Variants in DIAPH2 observed in about 807,000 individuals in gnomAD.
DIAPH2 encodes protein diaphanous homolog 2.
Under a neutral mutation model 92.7 loss-of-function variants are expected in DIAPH2, and 35 were observed. That is an observed-to-expected ratio of 0.38 (90% CI 0.29 to 0.50). The LOEUF is 0.50. Ranked by LOEUF, DIAPH2 falls within the 20% of genes least tolerant of loss-of-function variation. The pLI, the probability that DIAPH2 is intolerant of heterozygous loss-of-function variation, is 0.94. For synonymous variants in DIAPH2, 301 were observed against 280.4 expected, an observed-to-expected ratio of 1.07 and a Z score of -0.73; for missense variants, 701 against 819.5, an observed-to-expected ratio of 0.86 and a Z score of 1.77.
At chrX:96,897,005 A>T (rs1042411410) in intron 5 of DIAPH2, among the ~76,000 whole-genome samples, 1 of 110,673 alleles carries the variant, frequency 9.0e-6, no homozygotes, top group Non-Finnish European at 1.9e-5. Flanking sequence ...TTAGTGGGGG[A>T]TTATTAAGGA....
At chrX:96,974,772 T>C (rs2065950013) in intron 17 of DIAPH2, among the ~76,000 whole-genome samples, 1 of 111,317 alleles carries the variant, frequency 9.0e-6, no homozygotes, top group Non-Finnish European at 1.9e-5. Context: ...TCACTCTCCT[T>C]TAAAAACTAT....
chrX:97,275,031 T>C (rs1306835007), intron 23 of DIAPH2, among the ~76,000 whole-genome samples: 1 of 112,018 alleles, frequency 8.9e-6, no homozygotes, highest in Non-Finnish European at 1.9e-5. Flanking sequence ...GAGTCTCCCA[T>C]GTCCACTTCT....
At chrX:96,797,106 C>CT (rs971345192) in intron 4 of DIAPH2, among the ~76,000 whole-genome samples, 5 of 109,193 alleles carry the variant, frequency 4.6e-5, no homozygotes, top group African/African-American at 1.0e-4. Context: ...ACAGATTTCT[C>CT]TTTTTTTTTG....
intron 5 of DIAPH2, among the ~76,000 whole-genome samples, chrX:96,893,105 A>G (rs996088265): frequency 8.9e-6 from 1 of 112,162 alleles, no homozygotes; most frequent in Non-Finnish European, 1.9e-5. Flanking sequence ...GGCACATACT[A>G]GAGTTTTAAT....
chrX:97,233,667 C>G (rs1184480846), intron 22 of DIAPH2, among the ~76,000 whole-genome samples: 1 of 111,732 alleles, frequency 8.9e-6, no homozygotes, highest in African/African-American at 3.3e-5. Context: ...GATAATTTGG[C>G]CATTGAGATT....
chrX:97,389,191 G>A (rs921832049), intron 25 of DIAPH2, among the ~76,000 whole-genome samples: 1 of 110,517 alleles, frequency 9.0e-6, no homozygotes, highest in South Asian at 3.9e-4. Flanking sequence ...CCTATCGGCC[G>A]AGTGCAGAGG....
At chrX:97,416,133 C>A (rs1338686788) in intron 25 of DIAPH2, among the ~76,000 whole-genome samples, 2 of 112,213 alleles carry the variant, frequency 1.8e-5, no homozygotes, top group African/African-American at 3.2e-5. Flanking sequence ...TATTGAACTG[C>A]CCTTAAGAAA....
At chrX:96,909,725 C>T (rs1464961723) in intron 5 of DIAPH2, among the ~76,000 whole-genome samples, 3 of 110,928 alleles carry the variant, frequency 2.7e-5, no homozygotes, top group Non-Finnish European at 5.7e-5. Flanking sequence ...ATAGGTCCTG[C>T]CTCCTCACAC....
At chrX:97,153,418 A>G (rs2067299818) in intron 22 of DIAPH2, among the ~76,000 whole-genome samples, 1 of 110,407 alleles carries the variant, frequency 9.1e-6, no homozygotes, top group African/African-American at 3.3e-5. Flanking sequence ...CCTCGTCTCT[A>G]CTAAAAATAC....
intron 4 of DIAPH2, among the ~76,000 whole-genome samples, chrX:96,874,791 A>C (rs897326511): frequency 1.8e-5 from 2 of 112,004 alleles, no homozygotes; most frequent in Non-Finnish European, 3.8e-5. Context: ...TAATTATTTG[A>C]AATTATTATG....
At chrX:97,305,835 AAAAAAAG>A (rs1449534903) in intron 23 of DIAPH2, among the ~76,000 whole-genome samples, 33 of 108,064 alleles carry the variant, frequency 3.1e-4, no homozygotes, top group African/African-American at 1.1e-3. Context: ...AAAAAAAAAA[AAAAAAAG>A]AAAGAAAGAA....
chrX:96,820,854 A>G (rs2064773236), intron 4 of DIAPH2, among the ~76,000 whole-genome samples: 1 of 112,115 alleles, frequency 8.9e-6, no homozygotes, highest in Non-Finnish European at 1.9e-5. Flanking sequence ...TGATAGTGAT[A>G]GACTAACCCC....
intron 22 of DIAPH2, among the ~76,000 whole-genome samples, chrX:97,233,664 T>C (rs1376280761): frequency 1.8e-5 from 2 of 112,212 alleles, no homozygotes; most frequent in Non-Finnish European, 3.8e-5. Flanking sequence ...AGTGATAATT[T>C]GGCCATTGAG....
At chrX:97,166,639 C>A (rs2067414332) in intron 22 of DIAPH2, among the ~76,000 whole-genome samples, 1 of 109,580 alleles carries the variant, frequency 9.1e-6, no homozygotes, top group South Asian at 4.1e-4. Context: ...TTAAAAAACT[C>A]ATTACAAAGT....
rs569381538 is a variant in DIAPH2, at chrX:96,980,482, G to T, written c.2050+15275G>T. On this transcript the variant is annotated intron_variant, in intron 17 of 26. Coordinates refer to ENST00000324765, the MANE Select transcript of DIAPH2 (RefSeq NM_006729.5). ...AGGGTTTTTATGGGTACAGGATGGG[G>T]GGCAGGGTGGGTCAGAGTTGGTTTT... Among the ~76,000 whole-genome samples, 7 of 110,652 alleles carry T rather than the reference G, an allele frequency of 6.3e-5. 1 individual carries two copies. The South Asian group carries it at 2.7e-3, about 43-fold the overall frequency.
At chrX:96,756,651 C>T (rs1207208923) in intron 3 of DIAPH2, among the ~76,000 whole-genome samples, 2 of 111,535 alleles carry the variant, frequency 1.8e-5, no homozygotes, top group Non-Finnish European at 3.8e-5. Flanking sequence ...TAAGCTGGGT[C>T]ATATGGTAGA....
intron 26 of DIAPH2, among the ~76,000 whole-genome samples, chrX:97,547,152 G>A (rs1446705340): frequency 9.0e-6 from 1 of 111,415 alleles, no homozygotes; most frequent in African/African-American, 3.3e-5. Context: ...GAGGACCCCA[G>A]TCAGAAAGAG....
intron 8 of DIAPH2, among the ~76,000 whole-genome samples, chrX:96,917,624 A>G (rs1253940258): frequency 9.0e-6 from 1 of 111,421 alleles, no homozygotes; most frequent in Non-Finnish European, 1.9e-5. Context: ...ATAATTTCAG[A>G]TATAATTTGA....
intron 18 of DIAPH2, among the ~76,000 whole-genome samples, chrX:97,074,418 A>C (rs2066691296): frequency 8.9e-6 from 1 of 112,384 alleles, no homozygotes; most frequent in South Asian, 3.7e-4. Flanking sequence ...AAAAGAAAAA[A>C]AAGAAAAAAG....
Sources: gnomAD v4.1 joint callset for allele counts (sites outside exome capture counted in the v4.1 genomes callset) on GRCh38, gnomAD v4.1.1 for gene constraint, MANE v1.5 for transcripts, NCBI Gene and HGNC (gene_info 2026-07-23, HGNC 2026-07-21) for gene names.